The following AP2A2 variants were observed in gnomAD, a reference collection of about 807,000 sequenced individuals.
The protein encoded by AP2A2 is AP-2 complex subunit alpha-2.
Under a neutral mutation model 104.2 loss-of-function variants are expected in AP2A2, and 32 were observed. The ratio of observed to expected loss-of-function variants is 0.31; its 90% CI spans 0.23 to 0.41. AP2A2 has a LOEUF of 0.41. Ranked by LOEUF, AP2A2 falls within the 10% of genes least tolerant of loss-of-function variation. The pLI is 1.00. For synonymous variants in AP2A2, 539 were observed against 533.3 expected, an observed-to-expected ratio of 1.01 and a Z score of -0.15; for missense variants, 912 against 1,261.0, an observed-to-expected ratio of 0.72 and a Z score of 4.19.
chr11:1,007,922 C>G, intron 17 of AP2A2, 90 bp from the exon 18 acceptor site: 1 of 1,536,750 alleles, frequency 6.5e-7, no homozygotes, highest in South Asian at 1.2e-5. Context: ...TGAGTGTGCT[C>G]GCCTCCACGG....
intron 1 of AP2A2, among the ~76,000 whole-genome samples, chr11:941,892 T>C (rs1853662024): frequency 6.6e-6 from 1 of 151,764 alleles, no homozygotes; most frequent in Non-Finnish European, 1.5e-5. Flanking sequence ...CGGCCTCTCA[T>C]GCTTAAATGA....
In AP2A2 at chr11:957,794, C is replaced by T. The variant is rs555440888; in HGVS notation, c.68-1643C>T. 2.0e-5 allele frequency among the ~76,000 whole-genome samples: 3 copies of T among 152,368 alleles called. No individual in the cohort carries two copies. The South Asian group carries it at 6.2e-4, about 32-fold the overall frequency. ...CTCCTAGCTTCATCTGCTTTCCTTA[C>T]ACAGCACATGGTGATTAAATAGGTG... On this transcript the variant is annotated intron_variant, in intron 1 of 21. Transcript: ENST00000448903.
rs143171131 is a variant in AP2A2, at chr11:1,009,802, G to A, written c.2727G>A (p.Pro909=). 361 of 1,547,060 alleles carry A rather than the reference G, an allele frequency of 2.3e-4. 6 individuals carry two copies. The highest frequency in any genetic ancestry group is 2.1e-3 in the South Asian group (180 of 83,972). ...TTGGATGCCTGCTGCGCTTGGAGCCGAACCTGCAAGCCCAGGTCAGGCCCT... is the reference window on the plus strand; with the variant it reads ...TTGGATGCCTGCTGCGCTTGGAGCCAAACCTGCAAGCCCAGGTCAGGCCCT... ...TQIGCLLRLE[P]NLQAQMYRLT... The change falls in exon 21 of 22, where the codon CCG becomes CCA. Residue 909 remains proline, a synonymous_variant. Transcript: ENST00000448903.
At chr11:936,875 T>C (rs1407427102) in intron 1 of AP2A2, among the ~76,000 whole-genome samples, 1 of 152,158 alleles carries the variant, frequency 6.6e-6, no homozygotes, top group Non-Finnish European at 1.5e-5. Context: ...CTCGAGGCAG[T>C]GTCTTCTCTG....
At chr11:955,525 G>C (rs1854206604) in intron 1 of AP2A2, among the ~76,000 whole-genome samples, 1 of 152,184 alleles carries the variant, frequency 6.6e-6, no homozygotes, top group African/African-American at 2.4e-5. Flanking sequence ...GGGCTGGGAA[G>C]AGAGACTGAC....
intron 18 of AP2A2, chr11:1,008,514 G>A (rs570673708): frequency 4.3e-6 from 1 of 232,760 alleles, no homozygotes; most frequent in East Asian, 1.0e-4. Context: ...GGCCTGGGGG[G>A]CGCGTTTTTT....
intron 1 of AP2A2, among the ~76,000 whole-genome samples, chr11:932,285 T>G (rs1853315530): frequency 6.6e-6 from 1 of 152,228 alleles, no homozygotes; most frequent in African/African-American, 2.4e-5. Context: ...TTAGATACCC[T>G]TTGAATTGTG....
intron 1 of AP2A2, among the ~76,000 whole-genome samples, chr11:934,077 C>G (rs1197596936): frequency 1.3e-5 from 2 of 151,874 alleles, no homozygotes; most frequent in Non-Finnish European, 2.9e-5. Context: ...GTCCCTGAGG[C>G]CAGGGAAGTC....
intron 10 of AP2A2, among the ~76,000 whole-genome samples, chr11:991,387 C>T (rs1590002234): frequency 6.6e-6 from 1 of 152,204 alleles, no homozygotes; most frequent in East Asian, 1.9e-4. Context: ...AGGCATTACA[C>T]TCCTGGGGGG....
At chr11:942,521 T>C (rs1163821476) in intron 1 of AP2A2, 1 of 152,172 alleles carries the variant, frequency 6.6e-6, no homozygotes, top group African/African-American at 2.4e-5. Context: ...ATATAGTAAA[T>C]GGAAATTTAT....
Position 992,370 on chromosome 11 carries a change from T to C in AP2A2, c.1270-133T>C. The C allele has an allele frequency of 5.6e-6, 5 of 888,408 alleles. No individual in the cohort carries two copies. Among genetic ancestry groups the C allele is most frequent in the Non-Finnish European group, 8.8e-6 (5 of 566,500 alleles). 55.0% of individuals were successfully genotyped at this position (888,408 alleles called of 1,614,324 possible). ...GCTTTTTTGAGAATCGAGTTCAAGC[T>C]TCCTCCATGTCCCAAACTTTTGTAG... On this transcript the variant is annotated intron_variant, in intron 10 of 21. Coordinates refer to ENST00000448903, the MANE Select transcript of AP2A2 (RefSeq NM_012305.4). This position sits in a 1 kb window ranked among gnomAD's most constrained non-coding sequence, Gnocchi z 6.4.
chr11:950,423 C>T (rs1854013892), intron 1 of AP2A2, among the ~76,000 whole-genome samples: 1 of 151,786 alleles, frequency 6.6e-6, no homozygotes, highest in Non-Finnish European at 1.5e-5. Context: ...ATTCTTCTGC[C>T]TCAGCCTCCT....
chr11:960,558 A>T (rs1854398034), intron 2 of AP2A2, among the ~76,000 whole-genome samples: 1 of 151,868 alleles, frequency 6.6e-6, no homozygotes, highest in Non-Finnish European at 1.5e-5. Context: ...TTGTACTTTT[A>T]GTAGAGACGG....
chr11:1,000,642 G>A (rs772698015), intron 15 of AP2A2, 44 bp downstream of exon 15: 11 of 1,515,660 alleles, frequency 7.3e-6, no homozygotes, highest in South Asian at 2.5e-5. Context: ...CGGGGCTGCC[G>A]TGCCCCCTGA....
At chr11:962,088 G>A (rs1367336859) in intron 2 of AP2A2, among the ~76,000 whole-genome samples, 2 of 152,270 alleles carry the variant, frequency 1.3e-5, no homozygotes, top group African/African-American at 4.8e-5. Context: ...GGCTGGAGGT[G>A]GTGGCACTGG....
chr11:976,644 A>G (rs936396514), intron 4 of AP2A2, among the ~76,000 whole-genome samples: 1 of 152,002 alleles, frequency 6.6e-6, no homozygotes, highest in East Asian at 1.9e-4. Context: ...CTCCAGGGGC[A>G]AGGGCATGTG....
chr11:931,315 A>G (rs1238090430), intron 1 of AP2A2, among the ~76,000 whole-genome samples: 1 of 152,230 alleles, frequency 6.6e-6, no homozygotes. Flanking sequence ...GTTTGTTTTT[A>G]CACAAATGAC....
rs1854850041 is a variant in AP2A2 at position 972,097 on chromosome 11, C to T, written c.315C>T (p.Asn105=). 6.2e-7 allele frequency: 1 copy of T among 1,613,650 alleles called. No individual in the cohort carries two copies. Among genetic ancestry groups the T allele is most frequent in the South Asian group, 1.1e-5 (1 of 91,058 alleles). ...YLFISVLVNS[N]SELIRLINNA... is the part of the protein sequence containing the mutation. ...TCATCTCTGTGTTGGTGAACTCAAACAGTGAGCTGATCCGCCTGATCAACA... is the reference window on the plus strand; with the variant it reads ...TCATCTCTGTGTTGGTGAACTCAAATAGTGAGCTGATCCGCCTGATCAACA... The change falls in exon 4 of 22, where the codon AAC becomes AAT. Residue 105 remains asparagine, a synonymous_variant. Transcript: ENST00000448903.
At chr11:969,220 C>CTTTTTTT (rs1190722379) in intron 2 of AP2A2, among the ~76,000 whole-genome samples, 3 of 48,040 alleles carry the variant, frequency 6.2e-5, no homozygotes, top group Non-Finnish European at 1.3e-4. Context: ...TAGAACAGCC[C>CTTTTTTT]TTTTTTTTTT....
Sources: gnomAD v4.1 joint callset for allele counts (sites outside exome capture counted in the v4.1 genomes callset) on GRCh38, gnomAD v4.1.1 for gene constraint, Gnocchi (gnomAD v3.1) non-coding constraint, MANE v1.5 for transcripts, NCBI Gene and HGNC (gene_info 2026-07-23, HGNC 2026-07-21) for gene names.